DNAAF11: variants seen among roughly 807,000 people sequenced by gnomAD.
The protein encoded by DNAAF11 is leucine rich repeat containing 6.
In DNAAF11, 45 loss-of-function variants were observed where a neutral mutation model predicts 60.8. The observed-to-expected ratio is 0.74, with a 90% CI of 0.58 to 0.95. DNAAF11 has a LOEUF of 0.95. Among genes scored for constraint, DNAAF11 ranks in the 40% least tolerant of loss-of-function variants. The pLI is 0.00. For synonymous variants in DNAAF11, 191 were observed against 183.5 expected (o/e 1.04, Z -0.33); for missense variants, 546 against 546.2 (o/e 1.00, Z 0.00).
At chr8:132,676,518 T>C (rs544024542), upstream of DNAAF11, among the ~76,000 whole-genome samples, 5 of 152,324 alleles carry the variant, frequency 3.3e-5, no homozygotes, top group African/African-American at 1.2e-4. Flanking sequence ...GCTTCTTATC[T>C]TGATGTGTGT....
At chr8:132,700,244 A>G in the DNAAF11 span, among the ~76,000 whole-genome samples, 1 of 152,288 alleles carries the variant, frequency 6.6e-6, no homozygotes, top group East Asian at 1.9e-4. Flanking sequence ...AAAGGCAGTG[A>G]GGTTCCTCAG....
At chr8:132,655,569 G>A (rs1014192433) in intron 3 of DNAAF11, among the ~76,000 whole-genome samples, 1 of 152,092 alleles carries the variant, frequency 6.6e-6, no homozygotes, top group African/African-American at 2.4e-5. Context: ...TTATCTGATC[G>A]AAGTCTAGCA....
chr8:132,657,968 A>G (rs1293343201), intron 2 of DNAAF11, among the ~76,000 whole-genome samples: 1 of 152,200 alleles, frequency 6.6e-6, no homozygotes, highest in Non-Finnish European at 1.5e-5. Context: ...AGATGACAGG[A>G]ATGTAGAAAA....
intron 10 of DNAAF11, among the ~76,000 whole-genome samples, chr8:132,600,632 C>T (rs1817512783): frequency 6.6e-6 from 1 of 152,088 alleles, no homozygotes; most frequent in Non-Finnish European, 1.5e-5. Flanking sequence ...CATCTACAAC[C>T]ATCTGATCTT....
At chr8:132,645,606 C>T (rs1162000875) in intron 3 of DNAAF11, among the ~76,000 whole-genome samples, 1 of 151,990 alleles carries the variant, frequency 6.6e-6, no homozygotes, top group Non-Finnish European at 1.5e-5. Flanking sequence ...AAAAAATAGA[C>T]AAATGGCTAA....
rs1428203980 is a variant in DNAAF11, at chr8:132,664,703, G to A, written c.11-3076C>T. ...TGGTCTCAGACTCCTGGACTCAAGC[G>A]ATCCACCCACCTTGGCTTCCCAAAG... On this transcript the variant is annotated intron_variant, in intron 1 of 11. Coordinates refer to ENST00000620350, the MANE Select transcript of DNAAF11 (RefSeq NM_012472.6). Among the ~76,000 whole-genome samples, 7 of 149,860 alleles carry A rather than the reference G, an allele frequency of 4.7e-5. No individual in the cohort carries two copies. The Admixed American group carries it at 4.7e-4, about 10-fold the overall frequency.
rs1814085018 is a variant in DNAAF11 at position 132,570,558 on chromosome 8, TATG to T, written c.*1745_*1747del. 6.6e-6 allele frequency among the ~76,000 whole-genome samples: 1 copy of T among 152,222 alleles called. No individual in the cohort carries two copies. The highest frequency in any genetic ancestry group is 2.4e-5 in the African/African-American group (1 of 41,466). Reference sequence around the variant, plus strand: ...TGGTAGAGGTTGAGTTCTGTTGGATTATGATATGTCAAGTTGGCTAAGGCTGGG... The same window carrying T: ...TGGTAGAGGTTGAGTTCTGTTGGATTATATGTCAAGTTGGCTAAGGCTGGG... On this transcript the variant is annotated 3_prime_UTR_variant, in exon 12 of 12. Coordinates refer to ENST00000620350, the MANE Select transcript of DNAAF11 (RefSeq NM_012472.6).
intron 11 of DNAAF11, among the ~76,000 whole-genome samples, chr8:132,582,967 G>A (rs532300482): frequency 6.6e-6 from 1 of 152,256 alleles, no homozygotes; most frequent in Admixed American, 6.5e-5. Context: ...GGATGTCATT[G>A]CTTAAGGGAG....
rs768902138 is a variant in DNAAF11 at position 132,572,188 on chromosome 8, G to T, written c.*118C>A. 5 of 774,322 alleles carry T rather than the reference G, an allele frequency of 6.5e-6. No homozygotes were observed. The Admixed American group carries it at 1.3e-4, about 21-fold the overall frequency. The allele number at this position is 774,322 out of a possible 1,614,324, so 48.0% of individuals were successfully genotyped here. Reference sequence around the variant, plus strand: ...ATGCAAAGTAAGAGTTAAAACACTGGAGCAGCGATATTGACAAATAACTCT... The same window carrying T: ...ATGCAAAGTAAGAGTTAAAACACTGTAGCAGCGATATTGACAAATAACTCT... On this transcript the variant is annotated 3_prime_UTR_variant, in exon 12 of 12. Transcript: ENST00000620350.
intron 10 of DNAAF11, among the ~76,000 whole-genome samples, chr8:132,592,663 T>C (rs987214391): frequency 1.3e-5 from 2 of 152,200 alleles, no homozygotes; most frequent in African/African-American, 4.8e-5. Flanking sequence ...AAGCAAAGTA[T>C]ATATTGAAAT....
upstream of DNAAF11, among the ~76,000 whole-genome samples, chr8:132,676,901 C>T (rs1388896977): frequency 6.6e-6 from 1 of 152,164 alleles, no homozygotes; most frequent in African/African-American, 2.4e-5. Flanking sequence ...AAAAGGCACT[C>T]AAACTATAAA....
chr8:132,588,496 G>A (rs2131052375), intron 10 of DNAAF11, among the ~76,000 whole-genome samples: 1 of 152,304 alleles, frequency 6.6e-6, no homozygotes, highest in East Asian at 1.9e-4. Context: ...ATAGGACTGA[G>A]AGGCAGATAT....
upstream of DNAAF11, among the ~76,000 whole-genome samples, chr8:132,678,723 T>C (rs1044105194): frequency 6.7e-6 from 1 of 149,246 alleles, no homozygotes; most frequent in African/African-American, 2.4e-5. Flanking sequence ...ATTGGACTTT[T>C]ATCAAGAATA....
At chr8:132,611,508 T>A (rs1484982880) in intron 8 of DNAAF11, 145 bp from the exon 9 acceptor site, 8 of 518,858 alleles carry the variant, frequency 1.5e-5, no homozygotes, top group Non-Finnish European at 2.8e-5. Context: ...AAAATTAGTT[T>A]TAAATTAATT....
chr8:132,637,554 G>A (rs914785489), intron 4 of DNAAF11, among the ~76,000 whole-genome samples: 6 of 151,482 alleles, frequency 4.0e-5, no homozygotes, highest in African/African-American at 9.7e-5. Context: ...GCAGTGAGCC[G>A]AGATCGTGCC....
intron 3 of DNAAF11, among the ~76,000 whole-genome samples, chr8:132,650,361 C>T (rs546222115): frequency 3.3e-5 from 5 of 151,936 alleles, no homozygotes; most frequent in South Asian, 4.2e-4. Context: ...CACACTGGGG[C>T]CTGTCATGAG....
At chr8:132,678,647 A>G (rs939920689), upstream of DNAAF11, among the ~76,000 whole-genome samples, 1 of 152,120 alleles carries the variant, frequency 6.6e-6, no homozygotes, top group Non-Finnish European at 1.5e-5. Context: ...GGCATCTTAA[A>G]GTGCTGAGAT....
intron 2 of DNAAF11, among the ~76,000 whole-genome samples, chr8:132,658,514 G>T (rs1053902230): frequency 6.6e-6 from 1 of 152,002 alleles, no homozygotes; most frequent in Non-Finnish European, 1.5e-5. Flanking sequence ...GTAGAGATGG[G>T]GTTTCACTGT....
intron 3 of DNAAF11, among the ~76,000 whole-genome samples, chr8:132,656,586 C>CT: frequency 6.6e-6 from 1 of 152,200 alleles, no homozygotes; most frequent in South Asian, 2.1e-4. Flanking sequence ...ATTCTCCTGT[C>CT]TCAGCCTCCT....
Sources: allele counts gnomAD v4.1 joint callset (sites outside exome capture counted in the v4.1 genomes callset), GRCh38; gene constraint gnomAD v4.1.1; transcripts MANE v1.5; gene names NCBI Gene and HGNC (gene_info 2026-07-23, HGNC 2026-07-21).